The following KCNH5 variants were observed in gnomAD, a reference collection of about 807,000 sequenced individuals.
KCNH5 encodes voltage-gated delayed rectifier potassium channel KCNH5.
KCNH5 carries 46 observed loss-of-function variants against 96.1 expected under a neutral mutation model. The ratio of observed to expected loss-of-function variants is 0.48; its 90% confidence interval spans 0.38 to 0.61. The LOEUF (loss-of-function observed/expected upper bound fraction) is 0.61. KCNH5 is among the 20% of genes least tolerant of loss of function. The pLI is 0.00. For missense variants in KCNH5, 907 were observed against 1,225.8 expected (o/e 0.74, Z 3.88); for synonymous variants, 439 against 449.8 (o/e 0.98, Z 0.30).
chr14:63,040,385 G>A (rs894692164), intron 1 of KCNH5, among the ~76,000 whole-genome samples: 2 of 152,094 alleles, frequency 1.3e-5, no homozygotes, highest in African/African-American at 4.8e-5. Flanking sequence ...ATAACACAGT[G>A]TGGGAATCTA....
intron 7 of KCNH5, among the ~76,000 whole-genome samples, chr14:62,875,448 T>A (rs139421411): frequency 0.018 from 2,789 of 152,166 alleles, 80 homozygotes; most frequent in African/African-American, 0.063. Context: ...ACTATACTAC[T>A]AGGCTACAGT....
At chr14:62,985,889 C>A (rs1890697804) in intron 5 of KCNH5, among the ~76,000 whole-genome samples, 1 of 152,104 alleles carries the variant, frequency 6.6e-6, no homozygotes, top group South Asian at 2.1e-4. Flanking sequence ...TCATTGTCCT[C>A]AAATCTTCTT....
chr14:63,034,763 T>C (rs1373410339), intron 1 of KCNH5, among the ~76,000 whole-genome samples: 1 of 152,228 alleles, frequency 6.6e-6, no homozygotes. Context: ...CCAGCTACAG[T>C]GGTTCAAAAT....
At chr14:62,847,604 A>G (rs2140043578) in intron 8 of KCNH5, among the ~76,000 whole-genome samples, 1 of 152,350 alleles carries the variant, frequency 6.6e-6, no homozygotes, top group East Asian at 1.9e-4. Flanking sequence ...TCACTCAATT[A>G]AAAGCTACAT....
At chr14:62,812,832 TCTA>T (rs1010740530) in intron 8 of KCNH5, among the ~76,000 whole-genome samples, 1 of 151,960 alleles carries the variant, frequency 6.6e-6, no homozygotes, top group African/African-American at 2.4e-5. Flanking sequence ...AACTTCAAAC[TCTA>T]CTATTTTATT....
At chr14:62,879,191 A>G (rs1220149593) in intron 7 of KCNH5, among the ~76,000 whole-genome samples, 1 of 152,208 alleles carries the variant, frequency 6.6e-6, no homozygotes, top group Non-Finnish European at 1.5e-5. Context: ...GAATGGTAAA[A>G]ATGATAAAGA....
chr14:62,824,080 G>C (rs190304698), intron 8 of KCNH5, among the ~76,000 whole-genome samples: 10 of 151,668 alleles, frequency 6.6e-5, no homozygotes, highest in African/African-American at 1.9e-4. Flanking sequence ...CAATCCCAGA[G>C]AGAAAAAAAA....
intron 7 of KCNH5, among the ~76,000 whole-genome samples, chr14:62,862,044 A>G (rs1174020995): frequency 1.3e-5 from 2 of 152,138 alleles, no homozygotes; most frequent in Non-Finnish European, 2.9e-5. Flanking sequence ...TGACCCAGGA[A>G]TCTTTGCTTT....
chr14:62,978,503 C>A (rs1279216106), intron 6 of KCNH5, among the ~76,000 whole-genome samples: 1 of 150,998 alleles, frequency 6.6e-6, no homozygotes, highest in Non-Finnish European at 1.5e-5. Flanking sequence ...CGGAGAATGG[C>A]GTGAACCCGG....
At chr14:62,911,930 C>T (rs369351139) in intron 7 of KCNH5, among the ~76,000 whole-genome samples, 3 of 149,336 alleles carry the variant, frequency 2.0e-5, no homozygotes, top group African/African-American at 4.9e-5. Flanking sequence ...TGCAGCTACT[C>T]GAGAGGCTGA....
chr14:62,940,667 T>C (rs986665518), intron 7 of KCNH5, among the ~76,000 whole-genome samples: 7 of 152,214 alleles, frequency 4.6e-5, no homozygotes, highest in Admixed American at 1.3e-4. Context: ...CATTTTTGCA[T>C]ATACTATGTT....
At chr14:62,787,767 T>C (rs976450308) in intron 9 of KCNH5, among the ~76,000 whole-genome samples, 2 of 152,198 alleles carry the variant, frequency 1.3e-5, no homozygotes, top group East Asian at 3.9e-4. Flanking sequence ...CTTTGCTCTA[T>C]AAATGGAAGG....
At chr14:62,845,638 G>A (rs1258393735) in intron 8 of KCNH5, among the ~76,000 whole-genome samples, 1 of 152,170 alleles carries the variant, frequency 6.6e-6, no homozygotes, top group East Asian at 1.9e-4. Flanking sequence ...GAATGAAGGT[G>A]GTGAGAATCG....
chr14:63,001,187 A>G (rs989776671), intron 4 of KCNH5, 144 bp downstream of exon 4: 2 of 650,292 alleles, frequency 3.1e-6, no homozygotes, highest in African/African-American at 3.7e-5. Context: ...GTATGATTGA[A>G]TAAAACAGAT....
chr14:62,842,617 G>T (rs541080910), intron 8 of KCNH5, among the ~76,000 whole-genome samples: 15 of 152,214 alleles, frequency 9.9e-5, no homozygotes, highest in African/African-American at 3.6e-4. Flanking sequence ...TCTTAATAGC[G>T]TCTCTTGCTC....
At chr14:63,014,731 A>G (rs1252145491) in intron 2 of KCNH5, among the ~76,000 whole-genome samples, 2 of 152,160 alleles carry the variant, frequency 1.3e-5, no homozygotes, top group Non-Finnish European at 2.9e-5. Flanking sequence ...AAATATACAC[A>G]AGAAACTATG....
intron 6 of KCNH5, among the ~76,000 whole-genome samples, chr14:62,963,956 T>C (rs1566723961): frequency 6.6e-6 from 1 of 152,122 alleles, no homozygotes; most frequent in Admixed American, 6.6e-5. Flanking sequence ...AAAATATCCC[T>C]TTTTTCAACA....
At chr14:62,901,018 T>A (rs1340621700) in intron 7 of KCNH5, among the ~76,000 whole-genome samples, 3 of 152,122 alleles carry the variant, frequency 2.0e-5, no homozygotes, top group African/African-American at 7.2e-5. Context: ...AGACAGAGTC[T>A]TGCTCTGTCG....
At chr14:62,933,843 A>C (rs1889626314) in intron 7 of KCNH5, among the ~76,000 whole-genome samples, 1 of 152,224 alleles carries the variant, frequency 6.6e-6, no homozygotes, top group Non-Finnish European at 1.5e-5. Flanking sequence ...ATGAAAAAGA[A>C]GGCAGGAGAA....
Sources: gnomAD v4.1 joint callset for allele counts (sites outside exome capture counted in the v4.1 genomes callset) on GRCh38, gnomAD v4.1.1 for gene constraint, MANE v1.5 for transcripts, NCBI Gene and HGNC (gene_info 2026-07-23, HGNC 2026-07-21) for gene names.